The following SGIP1 variants were observed in gnomAD, a reference collection of about 807,000 sequenced individuals.
The protein encoded by SGIP1 is SH3GL interacting endocytic adaptor 1.
Under a neutral mutation model 107.5 loss-of-function variants are expected in SGIP1, and 38 were observed. That is an observed-to-expected ratio of 0.35 (90% confidence interval 0.27 to 0.46). SGIP1 has a LOEUF of 0.46. Ranked by LOEUF, SGIP1 falls within the 20% of genes least tolerant of loss-of-function variation. The pLI is 1.00. For synonymous variants in SGIP1, 365 were observed against 366.1 expected (o/e 1.00, Z 0.03); for missense variants, 929 against 1,019.5 (o/e 0.91, Z 1.21).
chr1:66,617,846 C>T (rs1041256793), intron 1 of SGIP1, among the ~76,000 whole-genome samples: 3 of 152,072 alleles, frequency 2.0e-5, no homozygotes, highest in South Asian at 2.1e-4. Context: ...TCAAAAAAAT[C>T]GCATTCTTGT....
chr1:66,545,508 A>G (rs2148139635), intron 1 of SGIP1, among the ~76,000 whole-genome samples: 1 of 152,296 alleles, frequency 6.6e-6, no homozygotes, highest in East Asian at 1.9e-4. Flanking sequence ...TCCTCAGGAA[A>G]GTGGATGTGA....
chr1:66,643,646 T>C lies in SGIP1; in HGVS notation c.386T>C (p.Ile129Thr). ...IKIKPLQSKD[I>T]LKNAATVDEL... ...ATTAAACCATTGCAATCTAAAGACA[T>C]TCTTAAGAATGCTGCAACTGTAGAT... The change falls in exon 7 of 25, where the codon ATT (isoleucine) becomes ACT (threonine). Residue 129 changes from isoleucine (I) to threonine (T), a missense_variant. Physicochemically the swap from Ile to Thr is moderately conservative, Grantham distance 89 (BLOSUM62 -1). Transcript: ENST00000371037. 1 of 1,611,508 alleles carries C rather than the reference T, an allele frequency of 6.2e-7. No individual in the cohort carries two copies. The highest frequency in any genetic ancestry group is 1.1e-5 in the South Asian group (1 of 90,300).
chr1:66,627,293 G>A (rs986359893), intron 2 of SGIP1, among the ~76,000 whole-genome samples: 2 of 152,122 alleles, frequency 1.3e-5, no homozygotes, highest in Non-Finnish European at 2.9e-5. Flanking sequence ...TCAAGAAGAT[G>A]AGGATGTGTA....
At chr1:66,668,981 T>C (rs2083192112) in intron 9 of SGIP1, among the ~76,000 whole-genome samples, 1 of 152,264 alleles carries the variant, frequency 6.6e-6, no homozygotes. Flanking sequence ...TATGTCATGC[T>C]GCAACATTAA....
At chr1:66,559,940 A>T (rs986792724) in intron 1 of SGIP1, among the ~76,000 whole-genome samples, 1 of 152,068 alleles carries the variant, frequency 6.6e-6, no homozygotes, top group Non-Finnish European at 1.5e-5. Flanking sequence ...ATCTGAAATA[A>T]GTCTAAATTA....
intron 1 of SGIP1, among the ~76,000 whole-genome samples, chr1:66,544,843 C>T (rs568775183): frequency 7.2e-5 from 11 of 152,238 alleles, no homozygotes; most frequent in African/African-American, 2.6e-4. Flanking sequence ...GGTCTCTAAG[C>T]CCGATTGTAG....
intron 1 of SGIP1, among the ~76,000 whole-genome samples, chr1:66,537,218 A>G (rs2147973452): frequency 6.6e-6 from 1 of 152,278 alleles, no homozygotes; most frequent in Non-Finnish European, 1.5e-5. Context: ...TGCTTCCTGC[A>G]TACTTTATCT....
chr1:66,585,776 C>T (rs560449392), intron 1 of SGIP1, among the ~76,000 whole-genome samples: 1 of 152,070 alleles, frequency 6.6e-6, no homozygotes, highest in African/African-American at 2.4e-5. Flanking sequence ...AAGCATGAGA[C>T]ACTGTGCCAG....
At chr1:66,545,848 C>T (rs1057468242) in intron 1 of SGIP1, among the ~76,000 whole-genome samples, 5 of 152,112 alleles carry the variant, frequency 3.3e-5, no homozygotes, top group Non-Finnish European at 2.9e-5. Flanking sequence ...ATCTTAATTA[C>T]TATTCTCTTT....
intron 12 of SGIP1, among the ~76,000 whole-genome samples, chr1:66,675,180 T>G (rs1301307915): frequency 1.3e-5 from 2 of 152,224 alleles, no homozygotes; most frequent in African/African-American, 4.8e-5. Context: ...ATGAAAACTT[T>G]ATGTAAAACA....
At chr1:66,612,284 A>G (rs1035992209) in intron 1 of SGIP1, among the ~76,000 whole-genome samples, 1 of 152,224 alleles carries the variant, frequency 6.6e-6, no homozygotes, top group Non-Finnish European at 1.5e-5. Flanking sequence ...TTCATGAGGG[A>G]TCCTCACCCA....
At chr1:66,580,229 G>A (rs75546050) in intron 1 of SGIP1, among the ~76,000 whole-genome samples, 1,911 of 152,088 alleles carry the variant, frequency 0.013, 45 homozygotes, top group African/African-American at 0.044. Context: ...TGTCTGCAAG[G>A]CCCTATATAA....
rs2149427898 is a variant in SGIP1 at position 66,636,122 on chromosome 1, T to A, written c.171+107T>A. On this transcript the variant is annotated intron_variant, in intron 4 of 24. Coordinates refer to ENST00000371037, the MANE Select transcript of SGIP1 (RefSeq NM_032291.4). ...CACAGTAGTTTTCATTTACTCCATT[T>A]AAGAAAACTCTTAGGTATTTCCAAA... 3.0e-6 allele frequency: 3 copies of A among 1,001,144 alleles called. No homozygotes were observed. In the South Asian group the frequency reaches 4.7e-5, roughly 16 times the overall value. 62.0% of individuals were successfully genotyped at this position (1,001,144 alleles called of 1,614,324 possible).
At chr1:66,677,222 G>A (rs2085592350) in intron 13 of SGIP1, 126 bp downstream of exon 13, 3 of 695,260 alleles carry the variant, frequency 4.3e-6, no homozygotes, top group Non-Finnish European at 2.4e-6. Flanking sequence ...ATATTAAGAA[G>A]AGATGTTATT....
chr1:66,567,454 G>T (rs1021253616), intron 1 of SGIP1, among the ~76,000 whole-genome samples: 2 of 152,032 alleles, frequency 1.3e-5, no homozygotes, highest in South Asian at 2.1e-4. Context: ...TCTGTATGTT[G>T]CCTGATCACT....
At chr1:66,540,103 G>T (rs372644271) in intron 1 of SGIP1, among the ~76,000 whole-genome samples, 2 of 151,898 alleles carry the variant, frequency 1.3e-5, no homozygotes, top group African/African-American at 4.8e-5. Context: ...TATGATGGAC[G>T]TAAGAAAAAA....
intron 8 of SGIP1, among the ~76,000 whole-genome samples, chr1:66,664,383 C>G (rs1354763969): frequency 6.6e-6 from 1 of 152,110 alleles, no homozygotes; most frequent in Non-Finnish European, 1.5e-5. Context: ...AATAATATGT[C>G]TAGTGTCCTA....
At position 66,635,635 on chromosome 1, in the gene SGIP1, G is replaced by A. The variant is rs910397764; in HGVS notation, c.100-309G>A. Among the ~76,000 whole-genome samples the A allele has an allele frequency of 1.8e-4, 27 of 152,132 alleles. No homozygotes were observed. The East Asian group carries it at 1.9e-3, about 11-fold the overall frequency. On this transcript the variant is annotated intron_variant, in intron 3 of 24. Coordinates refer to ENST00000371037, the MANE Select transcript of SGIP1 (RefSeq NM_032291.4). ...GTGTGTCCTTGTGCCTGTTCTCTAC[G>A]TGTAAATTAAATGCTGGCTGTATGA...
intron 1 of SGIP1, among the ~76,000 whole-genome samples, chr1:66,597,553 C>T (rs1214250522): frequency 6.6e-6 from 1 of 152,120 alleles, no homozygotes; most frequent in Non-Finnish European, 1.5e-5. Flanking sequence ...AGTATGTTTC[C>T]ACTTAGCCCT....
Sources: allele counts gnomAD v4.1 joint callset (sites outside exome capture counted in the v4.1 genomes callset), GRCh38; gene constraint gnomAD v4.1.1; transcripts MANE v1.5; gene names NCBI Gene and HGNC (gene_info 2026-07-23, HGNC 2026-07-21).